Variants in MYO7A observed in about 807,000 individuals in gnomAD.
The protein encoded by MYO7A is unconventional myosin-VIIa.
A neutral mutation model predicts 263.8 loss-of-function variants in MYO7A; 210 were observed. That is an observed-to-expected ratio of 0.80 (90% CI 0.71 to 0.89). The LOEUF is 0.89. Ranked by LOEUF, MYO7A falls within the 40% of genes least tolerant of loss-of-function variation. The pLI, the probability that MYO7A is intolerant of heterozygous loss-of-function variation, is 0.00. For synonymous variants in MYO7A, 1,239 were observed against 1,197.3 expected (o/e 1.03, Z -0.72); for missense variants, 2,820 against 2,968.3 (o/e 0.95, Z 1.16).
intron 3 of MYO7A, among the ~76,000 whole-genome samples, chr11:77,144,069 TAGTA>T (rs1461023390): frequency 6.6e-6 from 1 of 152,158 alleles, no homozygotes; most frequent in Non-Finnish European, 1.5e-5. Flanking sequence ...GTCACACAGC[TAGTA>T]AGTGATGGTG....
chr11:77,199,129 T>TGA (rs1243782451), intron 34 of MYO7A, among the ~76,000 whole-genome samples: 3 of 152,188 alleles, frequency 2.0e-5, no homozygotes, highest in Non-Finnish European at 2.9e-5. Flanking sequence ...TAGCAGTGTC[T>TGA]TTGGGTTGTG....
chr11:77,205,547 C>T lies in MYO7A; in HGVS notation c.5566C>T (p.Arg1856Cys), dbSNP rs748052241. Residue 1856 changes from arginine (R) to cysteine (C), a missense_variant, in exon 40 of 49, where the codon CGC becomes TGC. By Grantham distance (180) the Arg-to-Cys change is radical. Coordinates refer to ENST00000409709, the MANE Select transcript of MYO7A (RefSeq NM_000260.4). The part of the protein sequence containing the change: ...PSNILLPHVQ[R>C]FLQSRKHCPL... ...CAACATCCTCCTGCCCCACGTGCAG[C>T]GCTTCCTGCAGTCCCGAAAGCACTG... The T allele has an allele frequency of 1.7e-5, 28 of 1,611,336 alleles. No homozygotes were observed. The highest frequency in any genetic ancestry group is 1.4e-4 in the South Asian group (13 of 90,248).
intron 31 of MYO7A, among the ~76,000 whole-genome samples, chr11:77,193,463 T>C (rs1344197432): frequency 7.0e-6 from 1 of 143,094 alleles, no homozygotes; most frequent in Non-Finnish European, 1.5e-5. Context: ...GGTGGAGGCA[T>C]AGTGTTGGTA....
At chr11:77,146,861 C>T (rs1555053938) in intron 3 of MYO7A, among the ~76,000 whole-genome samples, 1 of 152,090 alleles carries the variant, frequency 6.6e-6, no homozygotes, top group Admixed American at 6.5e-5. Context: ...TGGAGACCCT[C>T]TGGGGGCGGG....
intron 47 of MYO7A, 33 bp from the exon 48 acceptor site, chr11:77,213,827 C>T: frequency 6.2e-7 from 1 of 1,613,778 alleles, no homozygotes; most frequent in Non-Finnish European, 8.5e-7. Flanking sequence ...AGGGCCCAGG[C>T]CGTGCCTCTC....
chr11:77,199,433 C>T, intron 34 of MYO7A, 102 bp from the exon 35 acceptor site: 1 of 1,293,378 alleles, frequency 7.7e-7, no homozygotes, highest in South Asian at 1.9e-5. Flanking sequence ...ATGCCTGACT[C>T]TGGCCAGGCC....
intron 4 of MYO7A, among the ~76,000 whole-genome samples, chr11:77,149,911 G>A (rs75100109): frequency 5.9e-5 from 9 of 152,090 alleles, no homozygotes; most frequent in African/African-American, 2.4e-5. Flanking sequence ...GCACCCACCC[G>A]CCGTATCTCA....
intron 31 of MYO7A, among the ~76,000 whole-genome samples, chr11:77,193,120 TGGAGGTA>T (rs2135595821): frequency 8.8e-6 from 1 of 114,218 alleles, no homozygotes; most frequent in African/African-American, 3.9e-5. Context: ...TTGGTGATGG[TGGAGGTA>T]GCGATGCTGT....
At chr11:77,205,668 ACGCGGGGC>A in intron 40 of MYO7A, 51 bp downstream of exon 40, 1 of 1,606,304 alleles carries the variant, frequency 6.2e-7, no homozygotes, top group Non-Finnish European at 8.5e-7. Flanking sequence ...GCTCCTGGCC[ACGCGGGGC>A]TTGTGGGATG....
chr11:77,177,834 G>T (rs1316914587), intron 19 of MYO7A, among the ~76,000 whole-genome samples, 191 bp downstream of exon 19: 2 of 152,094 alleles, frequency 1.3e-5, no homozygotes, highest in Non-Finnish European at 2.9e-5. Context: ...TGATTTACAT[G>T]GACCCATTGT....
At chr11:77,163,205 A>G (rs1953180688) in intron 14 of MYO7A, among the ~76,000 whole-genome samples, 2 of 152,100 alleles carry the variant, frequency 1.3e-5, no homozygotes, top group Non-Finnish European at 2.9e-5. Context: ...ATCTATTTCC[A>G]GGGCTTTCTC....
In MYO7A at chr11:77,174,770, C is replaced by G; in HGVS notation, c.1950C>G (p.His650Gln). Reference sequence around the variant, plus strand: ...GTGCCTGGCAGCTGTTCGACCGGCACCTGTGCGTGCGCCAGCTGCGGTACT... The same window carrying G: ...GTGCCTGGCAGCTGTTCGACCGGCAGCTGTGCGTGCGCCAGCTGCGGTACT... ...EFKKPMLFDR[H>Q]LCVRQLRYSG... Residue 650 changes from histidine to glutamine, a missense_variant, in exon 17 of 49, where the codon CAC (histidine) becomes CAG (glutamine). His to Gln is a conservative substitution (Grantham distance 24). Coordinates refer to ENST00000409709, the MANE Select transcript of MYO7A (RefSeq NM_000260.4). 1.3e-6 allele frequency: 2 copies of G among 1,598,580 alleles called. No homozygotes were observed. Among genetic ancestry groups the G allele is most frequent in the Non-Finnish European group, 1.7e-6 (2 of 1,173,188 alleles).
Position 77,156,958 on chromosome 11 carries a change from C to G in MYO7A, c.689C>G (p.Ala230Gly). The change falls in exon 7 of 49, where the codon GCG becomes GGG. Residue 230 changes from alanine (A) to glycine (G), a missense_variant. By Grantham distance (60) the Ala-to-Gly change is moderately conservative. Transcript: ENST00000409709. ...AACAAGCGGGGCGCCATCGAGGGCG[C>G]GAAGATTGAGCAGTACCTGCTGGAA... ...HFNKRGAIEGAKIEQYLLEKS... is the reference protein window; with the variant it reads ...HFNKRGAIEGGKIEQYLLEKS... 6.2e-7 allele frequency: 1 copy of G among 1,613,928 alleles called. No homozygotes were observed. The highest frequency in any genetic ancestry group is 8.5e-7 in the Non-Finnish European group (1 of 1,179,892).
At chr11:77,154,535 G>A (rs1369159344) in intron 4 of MYO7A, among the ~76,000 whole-genome samples, 3 of 152,152 alleles carry the variant, frequency 2.0e-5, no homozygotes, top group African/African-American at 7.2e-5. Context: ...TGCGGAGGGC[G>A]GGTGAGTGTG....
At chr11:77,213,737 G>A (rs550428096) in intron 47 of MYO7A, 123 bp from the exon 48 acceptor site, 12 of 1,399,354 alleles carry the variant, frequency 8.6e-6, no homozygotes, top group African/African-American at 5.7e-5. Context: ...GGATGGCAGA[G>A]CTGGCTTTTC....
At position 77,175,458 on chromosome 11, in the gene MYO7A, T is replaced by C. The variant is rs373656667; in HGVS notation, c.2181T>C (p.Phe727=). ...GGCAGATAGGCAAAACCAAGATCTT[T>C]CTGAAGGTGAGCACAGATGCCTTCC... ...DDWQIGKTKI[F]LKDHHDMLLE... Residue 727 remains phenylalanine, a synonymous_variant, in exon 18 of 49, where the codon TTT becomes TTC. Coordinates refer to ENST00000409709, the MANE Select transcript of MYO7A (RefSeq NM_000260.4). The C allele has an allele frequency of 2.5e-4, 407 of 1,613,202 alleles. 1 individual carries two copies. Among genetic ancestry groups the C allele is most frequent in the Middle Eastern group, 4.9e-4 (3 of 6,062 alleles).
chr11:77,149,266 C>T (rs931768294), intron 4 of MYO7A, among the ~76,000 whole-genome samples: 2 of 152,146 alleles, frequency 1.3e-5, no homozygotes, highest in Non-Finnish European at 2.9e-5. Context: ...CTGATTATCT[C>T]GAGACCCAGG....
intron 17 of MYO7A, 85 bp from the exon 18 acceptor site, chr11:77,175,287 C>T: frequency 1.6e-6 from 2 of 1,262,516 alleles, no homozygotes; most frequent in Non-Finnish European, 2.3e-6. Flanking sequence ...CGGGAAGAGC[C>T]CTGCCTCTCA....
In MYO7A at chr11:77,180,391, G is replaced by C. The variant is rs1555083346; in HGVS notation, c.2604G>C (p.Glu868Asp). ...TCCCTCAGTATCTGTGGCGCCTCGA[G>C]GCTGAGAAAATGCGGCTGGCGGAGG... ...RLRAEYLWRL[E>D]AEKMRLAEEE... The change falls in exon 22 of 49, where the codon GAG becomes GAC. Residue 868 changes from glutamate to aspartate, a missense_variant. By Grantham distance (45) the Glu-to-Asp change is conservative. Transcript: ENST00000409709. 6.2e-7 allele frequency: 1 copy of C among 1,612,770 alleles called. No homozygotes were observed. Among genetic ancestry groups the C allele is most frequent in the African/African-American group, 1.3e-5 (1 of 75,054 alleles).
Sources: gnomAD v4.1 joint callset for allele counts (sites outside exome capture counted in the v4.1 genomes callset) on GRCh38, gnomAD v4.1.1 for gene constraint, MANE v1.5 for transcripts, NCBI Gene and HGNC (gene_info 2026-07-23, HGNC 2026-07-21) for gene names.